Variants in LRRC37A2 observed in about 807,000 individuals in gnomAD.
LRRC37A2 encodes the protein leucine-rich repeat-containing protein 37A2.
Under a neutral mutation model 68.8 loss-of-function variants are expected in LRRC37A2, and 9 were observed. That is an observed-to-expected ratio of 0.13 (90% CI 0.08 to 0.23). The LOEUF is 0.23. LRRC37A2 is among the 10% of genes least tolerant of loss of function. The pLI is 1.00. For synonymous variants in LRRC37A2, 63 were observed against 367.6 expected (o/e 0.17, Z 9.48); for missense variants, 168 against 950.4 (o/e 0.18, Z 10.82).
the LRRC37A2 span, among the ~76,000 whole-genome samples, chr17:46,947,446 C>A: frequency 6.6e-6 from 1 of 152,200 alleles, no homozygotes; most frequent in African/African-American, 2.4e-5. Context: ...GAGCTCCCTA[C>A]AACTTACGTT....
chr17:47,035,313 A>G, the LRRC37A2 span, among the ~76,000 whole-genome samples: 2 of 152,210 alleles, frequency 1.3e-5, no homozygotes, highest in East Asian at 1.9e-4. Flanking sequence ...CCCATTAGCC[A>G]TCACTCCCCA....
the LRRC37A2 span, among the ~76,000 whole-genome samples, chr17:46,790,041 C>G: frequency 6.6e-6 from 1 of 152,124 alleles, no homozygotes; most frequent in Non-Finnish European, 1.5e-5. Context: ...AGGCCCCACC[C>G]AAGTTCAAAG....
chr17:46,597,788 CTTTTTTTTTTTTT>C, the LRRC37A2 span, among the ~76,000 whole-genome samples: 10 of 44,220 alleles, frequency 2.3e-4, 1 homozygote, highest in South Asian at 1.2e-3. Flanking sequence ...TTGCAATACT[CTTTTTTTTTTTTT>C]TTTTTTTTTT....
chr17:46,976,957 C>T, the LRRC37A2 span, among the ~76,000 whole-genome samples: 1 of 152,208 alleles, frequency 6.6e-6, no homozygotes, highest in South Asian at 2.1e-4. Context: ...AGACACTTTA[C>T]AAGGAGTGTC....
At chr17:47,044,285 T>A in the LRRC37A2 span, among the ~76,000 whole-genome samples, 3 of 151,610 alleles carry the variant, frequency 2.0e-5, no homozygotes, top group East Asian at 5.8e-4. Context: ...AGTTCTAGAT[T>A]GAAGGAGACT....
chr17:46,773,640 TC>T, the LRRC37A2 span: 7,757 of 315,414 alleles, frequency 0.025, no homozygotes, highest in East Asian at 0.042. Flanking sequence ...ACCCAGCCCC[TC>T]CCCCCCCCTC....
chr17:46,928,081 C>T, the LRRC37A2 span, among the ~76,000 whole-genome samples: 34 of 152,062 alleles, frequency 2.2e-4, no homozygotes, highest in Non-Finnish European at 4.0e-4. Flanking sequence ...ACCTCCACAC[C>T]CCCGCATCAT....
At chr17:46,846,043 A>G in the LRRC37A2 span, among the ~76,000 whole-genome samples, 3 of 151,774 alleles carry the variant, frequency 2.0e-5, no homozygotes, top group Non-Finnish European at 2.9e-5. Context: ...CACCCACTTC[A>G]GCCTCCCAAA....
chr17:46,912,937 G>A, the LRRC37A2 span, among the ~76,000 whole-genome samples: 6 of 152,198 alleles, frequency 3.9e-5, no homozygotes, highest in Admixed American at 6.5e-5. Flanking sequence ...CCACCAACAA[G>A]CTTGGCCAGC....
the LRRC37A2 span, among the ~76,000 whole-genome samples, chr17:46,950,205 G>C: frequency 6.6e-6 from 1 of 152,298 alleles, no homozygotes; most frequent in South Asian, 2.1e-4. Flanking sequence ...AGCAGCCCCT[G>C]AGTCACTTCT....
chr17:46,830,514 G>A, the LRRC37A2 span: 1 of 395,316 alleles, frequency 2.5e-6, no homozygotes, highest in Non-Finnish European at 4.5e-6. Flanking sequence ...TCAAAGGGCT[G>A]GGATTACAGG....
At chr17:46,865,746 C>T in the LRRC37A2 span, among the ~76,000 whole-genome samples, 1 of 152,238 alleles carries the variant, frequency 6.6e-6, no homozygotes, top group South Asian at 2.1e-4. Flanking sequence ...GCTGGAACCA[C>T]AGGCACGTGC....
chr17:46,738,813 A>G, the LRRC37A2 span, among the ~76,000 whole-genome samples: 1 of 152,282 alleles, frequency 6.6e-6, no homozygotes, highest in Non-Finnish European at 1.5e-5. Flanking sequence ...TAAGAGAACT[A>G]AACTGTGGTT....
the LRRC37A2 span, among the ~76,000 whole-genome samples, chr17:46,714,655 C>T: frequency 6.6e-6 from 1 of 152,200 alleles, no homozygotes; most frequent in Non-Finnish European, 1.5e-5. Flanking sequence ...CAACAAAAAT[C>T]AATGATGAAG....
At chr17:46,712,701 G>A in the LRRC37A2 span, among the ~76,000 whole-genome samples, 1 of 152,170 alleles carries the variant, frequency 6.6e-6, no homozygotes, top group Non-Finnish European at 1.5e-5. Flanking sequence ...CACTTACAGT[G>A]AGGGTGTGGG....
the LRRC37A2 span, among the ~76,000 whole-genome samples, chr17:46,770,508 A>G: frequency 6.6e-6 from 1 of 151,932 alleles, no homozygotes; most frequent in Non-Finnish European, 1.5e-5. Context: ...TCTACAGCCT[A>G]AACCTGCCCA....
At chr17:47,048,282 T>C in the LRRC37A2 span, among the ~76,000 whole-genome samples, 1 of 151,662 alleles carries the variant, frequency 6.6e-6, no homozygotes, top group Admixed American at 6.6e-5. Flanking sequence ...CAAAATACTT[T>C]TAATTCTGGA....
the LRRC37A2 span, chr17:46,917,353 T>C: frequency 2.6e-5 from 4 of 152,156 alleles, no homozygotes; most frequent in Non-Finnish European, 5.9e-5. Context: ...ATTCCAAAAG[T>C]GAGAACTAGG....
At chr17:46,939,706 G>C in the LRRC37A2 span, 1 of 985,074 alleles carries the variant, frequency 1.0e-6, no homozygotes, top group Non-Finnish European at 1.2e-6. Context: ...AGTGTGGGCA[G>C]ATCCCACCGT....
Sources: allele counts gnomAD v4.1 joint callset (sites outside exome capture counted in the v4.1 genomes callset), GRCh38; gene constraint gnomAD v4.1.1; transcripts MANE v1.5; gene names NCBI Gene and HGNC (gene_info 2026-07-23, HGNC 2026-07-21).